SYT3: variants seen among roughly 807,000 people sequenced by gnomAD.
SYT3 encodes the protein synaptotagmin 3.
Under a neutral mutation model 50.6 loss-of-function variants are expected in SYT3, and 25 were observed. The ratio of observed to expected loss-of-function variants is 0.49; its 90% CI spans 0.36 to 0.69. The LOEUF is 0.69. Ranked by LOEUF, SYT3 falls within the 30% of genes least tolerant of loss-of-function variation. The pLI is 0.00. For synonymous variants in SYT3, 323 were observed against 353.9 expected (o/e 0.91, Z 0.98); for missense variants, 589 against 793.6 (o/e 0.74, Z 3.10).
In SYT3 at chr19:50,632,794, G is replaced by A; in HGVS notation, c.166C>T (p.Leu56=). ...CCACAGAATGTCACGATGACCGACAGCAGGCTCACGGAGATGTCTGGAGAG... is the reference window on the plus strand; with the variant it reads ...CCACAGAATGTCACGATGACCGACAACAGGCTCACGGAGATGTCTGGAGAG... ...GPDADISVSL[L]SVIVTFCGIV... is the part of the protein sequence containing the mutation. Residue 56 remains leucine (L), a synonymous_variant, in exon 4 of 11, where the codon CTG becomes TTG. Transcript: ENST00000600079. This position sits in a 1 kb window ranked among gnomAD's most constrained non-coding sequence, Gnocchi z 4.7. The A allele has an allele frequency of 6.6e-7, 1 of 1,516,794 alleles. No homozygotes were observed. Among genetic ancestry groups the A allele is most frequent in the Non-Finnish European group, 8.8e-7 (1 of 1,134,446 alleles). The allele number at this position is 1,516,794 out of a possible 1,614,324, so 94.0% of individuals were successfully genotyped here.
At chr19:50,634,859 G>A (rs1984443462) in intron 3 of SYT3, among the ~76,000 whole-genome samples, 1 of 151,764 alleles carries the variant, frequency 6.6e-6, no homozygotes. Context: ...GGGATTACAG[G>A]CATGCACCAC....
upstream of SYT3, among the ~76,000 whole-genome samples, chr19:50,641,769 C>T (rs1490888761): frequency 6.6e-6 from 1 of 151,972 alleles, no homozygotes; most frequent in African/African-American, 2.4e-5. Context: ...TCACTTGAAC[C>T]CAGAAGGTGG....
the SYT3 span, among the ~76,000 whole-genome samples, chr19:50,645,176 G>A: frequency 5.7e-3 from 862 of 152,320 alleles, 6 homozygotes; most frequent in African/African-American, 0.02. Flanking sequence ...CCACTGCGGC[G>A]CTGACAGTAT....
rs79550466 is a variant in SYT3, at chr19:50,635,874, C to T, written c.148+1390G>A. On this transcript the variant is annotated intron_variant, in intron 3 of 10. Transcript: ENST00000600079. ...GGATGACTGGAAGCTCACACCTGGT[C>T]TGTCCTGGACTCTGCCCTGGGTGCC... Among the ~76,000 whole-genome samples, 1,421 of 152,316 alleles carry T rather than the reference C, an allele frequency of 9.3e-3. 31 individuals carry two copies. The highest frequency in any genetic ancestry group is 0.032 in the African/African-American group (1,323 of 41,558).
At position 50,632,146 on chromosome 19, in the gene SYT3, C is replaced by T; in HGVS notation, c.674+140G>A. On this transcript the variant is annotated intron_variant, in intron 4 of 10. Transcript: ENST00000600079. This position sits in a 1 kb window ranked among gnomAD's most constrained non-coding sequence, Gnocchi z 4.7. ...CAGATCCAGGAGTCTAGGGCCCCAG[C>T]CTCCTCTTTCCCTAAGATCCAGGAG... 1.0e-6 allele frequency: 1 copy of T among 972,696 alleles called. No homozygotes were observed. Among genetic ancestry groups the T allele is most frequent in the Non-Finnish European group, 1.5e-6 (1 of 674,136 alleles). The allele number at this position is 972,696 out of a possible 1,614,324, so 60.3% of individuals were successfully genotyped here. A position where few individuals can be genotyped will look rare whatever the true frequency, so the allele number is the denominator to read the frequency against.
chr19:50,643,145 G>C (rs577878579), upstream of SYT3, among the ~76,000 whole-genome samples: 10 of 152,096 alleles, frequency 6.6e-5, no homozygotes, highest in Non-Finnish European at 1.3e-4. Flanking sequence ...CCAAAGGTGA[G>C]AGGATCCTTT....
chr19:50,646,787 A>T, the SYT3 span, among the ~76,000 whole-genome samples: 2 of 151,854 alleles, frequency 1.3e-5, no homozygotes, highest in African/African-American at 4.8e-5. Flanking sequence ...GGAGACAGAA[A>T]TAAGGTGGGA....
the SYT3 span, among the ~76,000 whole-genome samples, chr19:50,654,247 C>T: frequency 6.6e-6 from 1 of 152,058 alleles, no homozygotes; most frequent in Non-Finnish European, 1.5e-5. Flanking sequence ...TTCTCCCTTG[C>T]TCCTTTCCTC....
Position 50,625,770 on chromosome 19 carries a change from AG to A in SYT3, c.1402+126del. On this transcript the variant is annotated intron_variant, in intron 7 of 10. Coordinates refer to ENST00000600079, the MANE Select transcript of SYT3 (RefSeq NM_001160329.2). This position sits in a 1 kb window ranked among gnomAD's most constrained non-coding sequence, Gnocchi z 7.5. ...CCAGGCCCCTGGCCCCTCCTCCCTC[AG>A]ACCCAGGAGTCCAGATCCCCAGCTC... 6.0e-6 allele frequency: 4 copies of A among 665,642 alleles called. 1 individual carries two copies. The highest frequency in any genetic ancestry group is 1.8e-5 in the South Asian group (1 of 56,256). 41.2% of individuals were successfully genotyped at this position (665,642 alleles called of 1,614,324 possible).
chr19:50,628,227 T>C (rs1040635509), intron 6 of SYT3, among the ~76,000 whole-genome samples: 2 of 152,002 alleles, frequency 1.3e-5, no homozygotes, highest in Non-Finnish European at 2.9e-5. Context: ...ACAAATTAGG[T>C]TGGAGCGGGG....
chr19:50,636,563 G>A (rs987236237), intron 3 of SYT3, among the ~76,000 whole-genome samples: 5 of 152,324 alleles, frequency 3.3e-5, no homozygotes, highest in South Asian at 2.1e-4. Context: ...TCTGGTCACC[G>A]TTTCCTCATC....
chr19:50,652,407 G>C, the SYT3 span, among the ~76,000 whole-genome samples: 1 of 152,140 alleles, frequency 6.6e-6, no homozygotes, highest in Admixed American at 6.5e-5. Flanking sequence ...GGGAATCATA[G>C]AAATAAAGGT....
intron 6 of SYT3, 128 bp downstream of exon 6, chr19:50,629,166 G>C: frequency 2.6e-6 from 2 of 766,978 alleles, no homozygotes; most frequent in Non-Finnish European, 2.0e-6. Flanking sequence ...TCCCCAGTGT[G>C]ATACATTTTA....
chr19:50,631,733 G>A (rs933894605), intron 4 of SYT3, among the ~76,000 whole-genome samples: 3 of 151,682 alleles, frequency 2.0e-5, no homozygotes, highest in Admixed American at 6.6e-5. Context: ...TCCCTGAGTC[G>A]CTTTCCTGTC....
At position 50,632,575 on chromosome 19, in the gene SYT3, C is replaced by G; in HGVS notation, c.385G>C (p.Gly129Arg). The change falls in exon 4 of 11, where the codon GGC (glycine) becomes CGC (arginine). Residue 129 changes from glycine to arginine, a missense_variant. Physicochemically the swap from Gly to Arg is moderately radical, Grantham distance 125. Transcript: ENST00000600079. This position sits in a 1 kb window ranked among gnomAD's most constrained non-coding sequence, Gnocchi z 4.7. ...GCGGCATGGGCATGGTGGTGTGGGC[C>G]GCCCAGCAGAGGATGGCCACCCAGG... ...AGLGGHPLLG[G>R]PHHHAHAAHH... is the part of the protein sequence containing the mutation. 6.3e-7 allele frequency: 1 copy of G among 1,586,736 alleles called. No homozygotes were observed. The highest frequency in any genetic ancestry group is 1.7e-5 in the Admixed American group (1 of 58,644).
chr19:50,633,519 C>T (rs188736754), intron 3 of SYT3, among the ~76,000 whole-genome samples: 52 of 152,332 alleles, frequency 3.4e-4, no homozygotes, highest in African/African-American at 1.2e-3. Context: ...AGCATGGACC[C>T]TGCACGACAC....
upstream of SYT3, among the ~76,000 whole-genome samples, chr19:50,643,339 C>T (rs1229083721): frequency 6.6e-6 from 1 of 151,854 alleles, no homozygotes; most frequent in East Asian, 2.0e-4. Flanking sequence ...TGCCCAGAGT[C>T]CCGTCCTTGT....
Position 50,625,754 on chromosome 19 carries a change from TGG to T in SYT3, c.1402+141_1402+142del. 15 of 920,118 alleles carry T rather than the reference TGG, an allele frequency of 1.6e-5. No individual in the cohort carries two copies. The highest frequency in any genetic ancestry group is 3.3e-5 in the South Asian group (2 of 60,550). 57.0% of individuals were successfully genotyped at this position (920,118 alleles called of 1,614,324 possible). A position where few individuals can be genotyped will look rare whatever the true frequency, so the allele number is the denominator to read the frequency against. ...TCTCCGACCCAGGAGTCCAGGCCCC[TGG>T]CCCCTCCTCCCTCAGACCCAGGAGT... On this transcript the variant is annotated intron_variant, in intron 7 of 10. Coordinates refer to ENST00000600079, the MANE Select transcript of SYT3 (RefSeq NM_001160329.2). This position sits in a 1 kb window ranked among gnomAD's most constrained non-coding sequence, Gnocchi z 7.5.
chr19:50,643,655 G>C (rs765846900), upstream of SYT3, among the ~76,000 whole-genome samples: 1 of 151,940 alleles, frequency 6.6e-6, no homozygotes, highest in Non-Finnish European at 1.5e-5. Context: ...CATTCAACTC[G>C]ATTCATGCAG....
Sources: gnomAD v4.1 joint callset for allele counts (sites outside exome capture counted in the v4.1 genomes callset) on GRCh38, gnomAD v4.1.1 for gene constraint, Gnocchi (gnomAD v3.1) non-coding constraint, MANE v1.5 for transcripts, NCBI Gene and HGNC (gene_info 2026-07-23, HGNC 2026-07-21) for gene names.